Variants in CMSS1 observed in about 807,000 individuals in gnomAD.
The protein encoded by CMSS1 is protein CMSS1.
In CMSS1, 33 loss-of-function variants were observed where a neutral mutation model predicts 43.5. The observed-to-expected ratio is 0.76, with a 90% CI of 0.57 to 1.01. CMSS1 has a LOEUF of 1.01. Ranked by LOEUF, CMSS1 falls within the 50% of genes least tolerant of loss-of-function variation. The pLI, the probability that CMSS1 is intolerant of heterozygous loss-of-function variation, is 0.00. For synonymous variants in CMSS1, 115 were observed against 117.2 expected (o/e 0.98, Z 0.12); for missense variants, 313 against 326.4 (o/e 0.96, Z 0.32).
intron 1 of CMSS1, among the ~76,000 whole-genome samples, chr3:100,017,229 A>G (rs1228915381): frequency 6.6e-6 from 1 of 152,214 alleles, no homozygotes; most frequent in Non-Finnish European, 1.5e-5. Context: ...AGTGCTGGAG[A>G]AAAGTCCCAT....
intron 1 of CMSS1, among the ~76,000 whole-genome samples, chr3:99,861,559 G>A (rs1045896012): frequency 6.6e-6 from 1 of 152,068 alleles, no homozygotes; most frequent in African/African-American, 2.4e-5. Flanking sequence ...AGTTGATTTT[G>A]TACTCTCTGT....
chr3:100,064,357 C>T (rs1056772442), intron 1 of CMSS1, among the ~76,000 whole-genome samples: 9 of 151,976 alleles, frequency 5.9e-5, no homozygotes, highest in African/African-American at 1.7e-4. Flanking sequence ...CCCAGTCCCA[C>T]GGCCTCTCTT....
chr3:100,151,905 T>G (rs2066912987), intron 2 of CMSS1, among the ~76,000 whole-genome samples: 2 of 152,216 alleles, frequency 1.3e-5, no homozygotes, highest in Non-Finnish European at 2.9e-5. Flanking sequence ...TTTTAATTCC[T>G]TAAGTACAGC....
At chr3:100,067,644 G>C (rs2065689313) in intron 1 of CMSS1, among the ~76,000 whole-genome samples, 1 of 152,196 alleles carries the variant, frequency 6.6e-6, no homozygotes, top group African/African-American at 2.4e-5. Flanking sequence ...AGATTATCTA[G>C]ATGATTCAAT....
At chr3:99,902,824 A>G (rs1162842779) in intron 1 of CMSS1, among the ~76,000 whole-genome samples, 1 of 152,216 alleles carries the variant, frequency 6.6e-6, no homozygotes, top group Non-Finnish European at 1.5e-5. Flanking sequence ...GTAATGGGGT[A>G]ACTTCCATGT....
chr3:100,093,365 C>A (rs1204862859), intron 1 of CMSS1, among the ~76,000 whole-genome samples: 1 of 151,966 alleles, frequency 6.6e-6, no homozygotes, highest in African/African-American at 2.4e-5. Flanking sequence ...TATACTACCA[C>A]CTAGGGATAA....
At chr3:100,076,148 C>T (rs960170316) in intron 1 of CMSS1, among the ~76,000 whole-genome samples, 11 of 152,120 alleles carry the variant, frequency 7.2e-5, no homozygotes, top group African/African-American at 2.7e-4. Context: ...GTTATCTTGC[C>T]CGGAAAACCC....
chr3:99,900,484 T>C (rs577251957), intron 1 of CMSS1, among the ~76,000 whole-genome samples: 8 of 152,180 alleles, frequency 5.3e-5, no homozygotes, highest in Admixed American at 3.3e-4. Context: ...TCAGATGAGA[T>C]AGAGTGCGTT....
At chr3:99,909,052 A>G (rs1258120184) in intron 1 of CMSS1, among the ~76,000 whole-genome samples, 1 of 152,224 alleles carries the variant, frequency 6.6e-6, no homozygotes, top group Non-Finnish European at 1.5e-5. Context: ...GTGTGTGCAC[A>G]GGCCATCAAA....
At chr3:99,863,872 AC>A (rs925125135) in intron 1 of CMSS1, among the ~76,000 whole-genome samples, 9 of 152,172 alleles carry the variant, frequency 5.9e-5, no homozygotes, top group Admixed American at 1.3e-4. Context: ...TCCCCTTTTT[AC>A]ACAAAAGTAG....
intron 1 of CMSS1, among the ~76,000 whole-genome samples, chr3:99,858,277 A>G (rs1944072867): frequency 1.3e-5 from 2 of 152,024 alleles, no homozygotes; most frequent in Non-Finnish European, 2.9e-5. Flanking sequence ...CATCCTGGCT[A>G]ACATGGTGAA....
intron 1 of CMSS1, among the ~76,000 whole-genome samples, chr3:99,852,009 T>G (rs1943721574): frequency 2.0e-5 from 3 of 152,346 alleles, no homozygotes; most frequent in East Asian, 3.9e-4. Flanking sequence ...AGGAACATAA[T>G]AATTCCCTCT....
intron 1 of CMSS1, among the ~76,000 whole-genome samples, chr3:100,100,322 G>A (rs1425985740): frequency 6.6e-6 from 1 of 152,106 alleles, no homozygotes; most frequent in Non-Finnish European, 1.5e-5. Flanking sequence ...CCCAAAAATA[G>A]CAATATTTGT....
intron 1 of CMSS1, among the ~76,000 whole-genome samples, chr3:99,999,246 C>T (rs1420449757): frequency 1.3e-5 from 2 of 152,170 alleles, no homozygotes; most frequent in Non-Finnish European, 2.9e-5. Context: ...TAAGCTCTCA[C>T]TGTAGCAAGG....
chr3:100,114,854 C>A, intron 1 of CMSS1: 1 of 864,450 alleles, frequency 1.2e-6, no homozygotes, highest in Non-Finnish European at 1.8e-6. Flanking sequence ...CTTTGACACC[C>A]ATAACCCAAG....
intron 1 of CMSS1, among the ~76,000 whole-genome samples, chr3:99,873,905 A>G (rs1036134800): frequency 7.9e-5 from 12 of 152,204 alleles, no homozygotes; most frequent in African/African-American, 2.7e-4. Flanking sequence ...GCATAAAATT[A>G]TTATGTGCTT....
chr3:100,008,641 T>C (rs1489988280), intron 1 of CMSS1, among the ~76,000 whole-genome samples: 1 of 152,244 alleles, frequency 6.6e-6, no homozygotes, highest in Non-Finnish European at 1.5e-5. Flanking sequence ...CAAATAATTA[T>C]TAAGTAATTA....
chr3:100,098,025 T>C (rs998281969), intron 1 of CMSS1, among the ~76,000 whole-genome samples: 1 of 152,214 alleles, frequency 6.6e-6, no homozygotes, highest in Non-Finnish European at 1.5e-5. Flanking sequence ...ACGTGCCACA[T>C]TGCTATTTGA....
In CMSS1 at chr3:100,078,970, A is replaced by G. The variant is rs144587909; in HGVS notation, c.65-68003A>G. ...ACTAATTTGTGTTGGGCCACATTCAAAGCTGTCCTGGGCCACATGTGGCCC... is the reference window on the plus strand; with the variant it reads ...ACTAATTTGTGTTGGGCCACATTCAGAGCTGTCCTGGGCCACATGTGGCCC... On this transcript the variant is annotated intron_variant, in intron 1 of 9. Coordinates refer to ENST00000421999, the MANE Select transcript of CMSS1 (RefSeq NM_032359.4). Among the ~76,000 whole-genome samples, 373 of 152,284 alleles carry G rather than the reference A, an allele frequency of 2.4e-3. 1 individual carries two copies. The highest frequency in any genetic ancestry group is 8.4e-3 in the African/African-American group (348 of 41,550).
Sources: allele counts gnomAD v4.1 joint callset (sites outside exome capture counted in the v4.1 genomes callset), GRCh38; gene constraint gnomAD v4.1.1; transcripts MANE v1.5; gene names NCBI Gene and HGNC (gene_info 2026-07-23, HGNC 2026-07-21).